PALLD: variants seen among roughly 807,000 people sequenced by gnomAD.
PALLD encodes palladin, cytoskeletal associated protein, also known as palladin.
PALLD carries 61 observed loss-of-function variants against 123.5 expected under a neutral mutation model. That is an observed-to-expected ratio of 0.49 (90% confidence interval 0.40 to 0.61). The LOEUF (loss-of-function observed/expected upper bound fraction) is 0.61, where lower values mean the gene tolerates loss of function less well. PALLD is among the 20% of genes least tolerant of loss of function. The pLI is 0.00. For synonymous variants in PALLD, 465 were observed against 496.4 expected (o/e 0.94, Z 0.84); for missense variants, 1,273 against 1,377.0 (o/e 0.92, Z 1.20).
intron 10 of PALLD, among the ~76,000 whole-genome samples, chr4:168,834,723 C>T (rs527441970): frequency 6.6e-5 from 10 of 152,042 alleles, no homozygotes; most frequent in East Asian, 1.9e-4. Context: ...GGTGTCAGAG[C>T]GAGACTCCAT....
chr4:168,913,871 G>A, intron 15 of PALLD, 56 bp from the exon 16 acceptor site: 1 of 1,125,194 alleles, frequency 8.9e-7, no homozygotes, highest in South Asian at 1.2e-5. Flanking sequence ...GCATGATAGT[G>A]CTTAGTGGTT....
chr4:168,581,510 GC>G (rs1347807711), intron 2 of PALLD, among the ~76,000 whole-genome samples: 1 of 151,968 alleles, frequency 6.6e-6, no homozygotes, highest in African/African-American at 2.4e-5. Flanking sequence ...GATATCAAGT[GC>G]TTTTTCATGT....
chr4:168,779,349 C>A (rs150472720), intron 10 of PALLD, among the ~76,000 whole-genome samples: 7 of 152,214 alleles, frequency 4.6e-5, no homozygotes, highest in Admixed American at 4.6e-4. Context: ...GAAATTACTC[C>A]TTTGTTCTTC....
intron 2 of PALLD, among the ~76,000 whole-genome samples, chr4:168,531,259 T>G (rs565656131): frequency 3.0e-4 from 46 of 152,314 alleles, no homozygotes; most frequent in African/African-American, 1.1e-3. Context: ...AAGAATTGCT[T>G]AAGTAGACTA....
chr4:168,664,386 T>G (rs1477151361), intron 2 of PALLD, among the ~76,000 whole-genome samples: 1 of 152,238 alleles, frequency 6.6e-6, no homozygotes, highest in Admixed American at 6.5e-5. Context: ...TGCCTCAGTC[T>G]AACTCATCTA....
chr4:168,888,512 G>A (rs1395449312), intron 10 of PALLD, among the ~76,000 whole-genome samples: 1 of 152,104 alleles, frequency 6.6e-6, no homozygotes, highest in East Asian at 1.9e-4. Context: ...TTACAGTTAT[G>A]GAGTGAACAA....
chr4:168,891,231 C>A (rs1754110248), intron 11 of PALLD, among the ~76,000 whole-genome samples, 174 bp downstream of exon 11: 1 of 152,184 alleles, frequency 6.6e-6, no homozygotes, highest in East Asian at 1.9e-4. Flanking sequence ...GGTGTCATCA[C>A]AGCTCACTGC....
intron 6 of PALLD, chr4:168,686,663 A>G (rs1402483527): frequency 6.6e-6 from 1 of 152,346 alleles, no homozygotes; most frequent in African/African-American, 2.4e-5. Context: ...AGGTCATGCT[A>G]ATCTTCTCTG....
intron 2 of PALLD, among the ~76,000 whole-genome samples, chr4:168,610,202 A>G: frequency 6.6e-6 from 1 of 152,006 alleles, no homozygotes. Flanking sequence ...TTCCACCAGG[A>G]GTCTTTCTCT....
At chr4:168,679,902 A>G (rs754851373) in intron 3 of PALLD, among the ~76,000 whole-genome samples, 1 of 152,102 alleles carries the variant, frequency 6.6e-6, no homozygotes, top group Non-Finnish European at 1.5e-5. Context: ...AGGCAAAGAA[A>G]GCCTACACTG....
rs183923620 is a variant in PALLD at position 168,573,118 on chromosome 4, G to T, written c.908+60706G>T. ...AGTAAGCTTTCTTTCCATTTCTCAA[G>T]ATTTCCAAGCACAGGAAGTCTCAGG... On this transcript the variant is annotated intron_variant, in intron 2 of 21. Coordinates refer to ENST00000505667, the MANE Select transcript of PALLD (RefSeq NM_001166108.2). Among the ~76,000 whole-genome samples the T allele has an allele frequency of 2.0e-4, 30 of 151,680 alleles. No homozygotes were observed. The East Asian group carries it at 4.5e-3, about 23-fold the overall frequency.
Position 168,580,017 on chromosome 4 carries a change from C to T in PALLD, c.908+67605C>T, listed in dbSNP as rs547310759. Among the ~76,000 whole-genome samples the T allele has an allele frequency of 4.0e-5, 6 of 151,886 alleles. No individual in the cohort carries two copies. In the South Asian group the frequency reaches 1.2e-3, roughly 32 times the overall value. On this transcript the variant is annotated intron_variant, in intron 2 of 21. Coordinates refer to ENST00000505667, the MANE Select transcript of PALLD (RefSeq NM_001166108.2). ...GTCCTGAAACTTTGTACCGTTTGAC[C>T]AATAGCTCCTCATTTCCTCCACCAT...
intron 2 of PALLD, among the ~76,000 whole-genome samples, chr4:168,594,423 TA>T (rs958560545): frequency 6.6e-6 from 1 of 151,804 alleles, no homozygotes; most frequent in African/African-American, 2.4e-5. Context: ...GAAGTAGCCT[TA>T]AAAAAAACAG....
At chr4:168,604,151 C>A (rs1772940662) in intron 2 of PALLD, among the ~76,000 whole-genome samples, 1 of 152,098 alleles carries the variant, frequency 6.6e-6, no homozygotes, top group Non-Finnish European at 1.5e-5. Context: ...ACAGGCCTGA[C>A]AAATTCTGTA....
intron 2 of PALLD, among the ~76,000 whole-genome samples, chr4:168,657,694 G>A (rs1778715883): frequency 6.6e-6 from 1 of 152,224 alleles, no homozygotes. Context: ...TGTGCCAATA[G>A]GAACAGGCAC....
chr4:168,738,268 T>C (rs116366376), intron 10 of PALLD, among the ~76,000 whole-genome samples: 3,640 of 151,838 alleles, frequency 0.024, 129 homozygotes, highest in African/African-American at 0.074. Context: ...ATGGATTGGG[T>C]GGGGGTGGAG....
chr4:168,504,527 G>C (rs1036960462), intron 1 of PALLD, among the ~76,000 whole-genome samples: 12 of 150,786 alleles, frequency 8.0e-5, no homozygotes, highest in African/African-American at 2.9e-4. Flanking sequence ...CCGGCAGGTG[G>C]ATCTTGCAGT....
At position 168,711,671 on chromosome 4, in the gene PALLD, C is replaced by A; in HGVS notation, c.1712C>A (p.Thr571Lys). 1 of 1,614,104 alleles carries A rather than the reference C, an allele frequency of 6.2e-7. No homozygotes were observed. Among genetic ancestry groups the A allele is most frequent in the Non-Finnish European group, 8.5e-7 (1 of 1,179,986 alleles). The change falls in exon 10 of 22, where the codon ACA becomes AAA. Residue 571 changes from threonine (T) to lysine (K), a missense_variant. Transcript: ENST00000505667. ...HFPPPPPILE[T>K]SSLELASKKP... ...CCACCTCCCCCTCCAATCTTGGAGA[C>A]AAGTTCCTTGGAGTTGGCTTCAAAG...
chr4:168,628,593 G>C lies in PALLD; in HGVS notation c.909-39597G>C, dbSNP rs138146873. ...TCTCCAAATAATCCCAAAGCTCACT[G>C]ACTCCCTTACCATGATCAAGTCTTT... On this transcript the variant is annotated intron_variant, in intron 2 of 21. Coordinates refer to ENST00000505667, the MANE Select transcript of PALLD (RefSeq NM_001166108.2). 5.5e-3 allele frequency among the ~76,000 whole-genome samples: 830 copies of C among 152,148 alleles called. 7 individuals carry two copies. Among genetic ancestry groups the C allele is most frequent in the African/African-American group, 0.019 (783 of 41,502 alleles).
Sources: gnomAD v4.1 joint callset for allele counts (sites outside exome capture counted in the v4.1 genomes callset) on GRCh38, gnomAD v4.1.1 for gene constraint, MANE v1.5 for transcripts, NCBI Gene and HGNC (gene_info 2026-07-23, HGNC 2026-07-21) for gene names.